The following WDR93 variants were observed in gnomAD, a reference collection of about 807,000 sequenced individuals.
The protein encoded by WDR93 is WD repeat-containing protein 93.
A neutral mutation model predicts 82.9 loss-of-function variants in WDR93; 73 were observed. The ratio of observed to expected loss-of-function variants is 0.88; its 90% confidence interval spans 0.73 to 1.07. The LOEUF is 1.07. Among genes scored for constraint, WDR93 ranks in the 50% least tolerant of loss-of-function variants. The pLI is 0.00. For missense variants in WDR93, 738 were observed against 826.0 expected (o/e 0.89, Z 1.31); for synonymous variants, 283 against 300.1 (o/e 0.94, Z 0.59).
intron 8 of WDR93, among the ~76,000 whole-genome samples, chr15:89,724,653 T>C (rs1328121649): frequency 6.6e-6 from 1 of 152,158 alleles, no homozygotes; most frequent in Non-Finnish European, 1.5e-5. Context: ...TGCAAGAGTA[T>C]TGCACAGGCT....
chr15:89,713,323 T>A (rs975421645), intron 5 of WDR93, among the ~76,000 whole-genome samples: 11 of 152,174 alleles, frequency 7.2e-5, no homozygotes, highest in Admixed American at 1.3e-4. Flanking sequence ...CTGCTGCAGT[T>A]ATCACTGGGA....
intron 1 of WDR93, among the ~76,000 whole-genome samples, chr15:89,694,590 G>A (rs1021720785): frequency 1.3e-5 from 2 of 152,162 alleles, no homozygotes; most frequent in African/African-American, 2.4e-5. Context: ...CTGGACAAAA[G>A]TACTTTATCA....
At chr15:89,743,231 G>C in intron 16 of WDR93, 61 bp from the exon 17 acceptor site, 1 of 1,570,116 alleles carries the variant, frequency 6.4e-7, no homozygotes, top group Non-Finnish European at 8.8e-7. Flanking sequence ...GTCTGCCCTG[G>C]GGGCTCGGGA....
At chr15:89,712,145 C>A in intron 5 of WDR93, 41 bp downstream of exon 5, 4 of 1,468,112 alleles carry the variant, frequency 2.7e-6, no homozygotes, top group South Asian at 1.2e-5. Flanking sequence ...AATTTTCAGT[C>A]TCTTCCAATC....
intron 13 of WDR93, among the ~76,000 whole-genome samples, chr15:89,734,971 TC>T (rs1434053782): frequency 1.3e-5 from 2 of 151,794 alleles, no homozygotes; most frequent in African/African-American, 4.8e-5. Flanking sequence ...CTTCCTTCCT[TC>T]CTTCCCTCCG....
upstream of WDR93, chr15:89,690,706 G>C (rs1479935487): frequency 9.0e-7 from 1 of 1,105,592 alleles, no homozygotes; most frequent in Non-Finnish European, 1.3e-6. Flanking sequence ...GATCCCCAGG[G>C]AACGGTCAGT....
chr15:89,714,946 AGTT>A (rs748130900), intron 5 of WDR93, 31 bp from the exon 6 acceptor site: 27 of 1,577,226 alleles, frequency 1.7e-5, no homozygotes, highest in Non-Finnish European at 4.3e-6. Flanking sequence ...GCTCTCTTAC[AGTT>A]GCTCAATGGT....
At chr15:89,701,293 G>A (rs546031890) in intron 1 of WDR93, among the ~76,000 whole-genome samples, 13 of 152,094 alleles carry the variant, frequency 8.5e-5, no homozygotes, top group Non-Finnish European at 1.6e-4. Context: ...TGCATCTGAT[G>A]GGGGGTAAAG....
chr15:89,707,997 A>C (rs560274988), intron 4 of WDR93, among the ~76,000 whole-genome samples: 1 of 152,376 alleles, frequency 6.6e-6, no homozygotes, highest in South Asian at 2.1e-4. Context: ...AACATGTATA[A>C]ATTTCAAAAT....
chr15:89,729,795 G>A (rs376084205), intron 11 of WDR93, 26 bp downstream of exon 11: 32 of 1,586,422 alleles, frequency 2.0e-5, no homozygotes, highest in Non-Finnish European at 2.4e-5. Flanking sequence ...GATGGGAGTC[G>A]CCTAAGCTCA....
chr15:89,695,390 G>A (rs777443498), intron 1 of WDR93, among the ~76,000 whole-genome samples: 40 of 152,130 alleles, frequency 2.6e-4, no homozygotes, highest in Non-Finnish European at 5.4e-4. Context: ...CTGGAGTGCA[G>A]CAACATGATC....
chr15:89,716,280 C>T (rs956280205), intron 6 of WDR93, among the ~76,000 whole-genome samples: 2 of 152,126 alleles, frequency 1.3e-5, no homozygotes, highest in African/African-American at 4.8e-5. Context: ...TTGTAGTTAT[C>T]CTGTTATACA....
At chr15:89,719,705 C>G (rs376084978) in intron 7 of WDR93, 2 of 152,082 alleles carry the variant, frequency 1.3e-5, no homozygotes, top group East Asian at 3.9e-4. Context: ...TTTCTGTTTT[C>G]TATCTCACTG....
chr15:89,726,183 G>A (rs1966730053), intron 8 of WDR93, among the ~76,000 whole-genome samples: 1 of 152,224 alleles, frequency 6.6e-6, no homozygotes, highest in South Asian at 2.1e-4. Context: ...AGCTACTCAA[G>A]AAGCTGAGAT....
intron 1 of WDR93, among the ~76,000 whole-genome samples, chr15:89,693,312 A>T (rs1964995813): frequency 1.3e-5 from 2 of 152,194 alleles, no homozygotes; most frequent in African/African-American, 4.8e-5. Flanking sequence ...CCTATTTTGT[A>T]TTACCACTGA....
chr15:89,740,464 G>A (rs1254331485), intron 16 of WDR93, among the ~76,000 whole-genome samples: 3 of 152,108 alleles, frequency 2.0e-5, no homozygotes, highest in Non-Finnish European at 4.4e-5. Context: ...TACCAAGAAT[G>A]TTCAACTATT....
intron 13 of WDR93, among the ~76,000 whole-genome samples, chr15:89,733,439 T>A (rs1966913995): frequency 6.6e-6 from 1 of 152,156 alleles, no homozygotes; most frequent in African/African-American, 2.4e-5. Flanking sequence ...GGTTTGACTC[T>A]CCCCTCCAAA....
intron 8 of WDR93, among the ~76,000 whole-genome samples, chr15:89,722,691 C>T (rs944250856): frequency 3.9e-5 from 6 of 152,084 alleles, no homozygotes; most frequent in African/African-American, 1.2e-4. Flanking sequence ...GAGTAAGGGA[C>T]ATTTGGGCAC....
In WDR93 at chr15:89,743,610, C is replaced by T; in HGVS notation, c.*219C>T. 1 of 574,552 alleles carries T rather than the reference C, an allele frequency of 1.7e-6. No individual in the cohort carries two copies. Among genetic ancestry groups the T allele is most frequent in the Non-Finnish European group, 3.1e-6 (1 of 322,110 alleles). The allele number at this position is 574,552 out of a possible 1,614,324, so 35.6% of individuals were successfully genotyped here. On this transcript the variant is annotated 3_prime_UTR_variant, in exon 17 of 17. Transcript: ENST00000268130. ...AGCCCTCAGGCAGGCAGATGTGTCACCCAAATAAACAGTGATATTGTCTCC... is the reference window on the plus strand; with the variant it reads ...AGCCCTCAGGCAGGCAGATGTGTCATCCAAATAAACAGTGATATTGTCTCC...
Sources: allele counts gnomAD v4.1 joint callset (sites outside exome capture counted in the v4.1 genomes callset), GRCh38; gene constraint gnomAD v4.1.1; transcripts MANE v1.5; gene names NCBI Gene and HGNC (gene_info 2026-07-23, HGNC 2026-07-21).